The following TMEM138 variants were observed in gnomAD, a reference collection of about 807,000 sequenced individuals.
TMEM138 encodes transmembrane protein 138.
A neutral mutation model predicts 18.1 loss-of-function variants in TMEM138; 9 were observed. That is an observed-to-expected ratio of 0.50 (90% CI 0.30 to 0.87). The LOEUF (loss-of-function observed/expected upper bound fraction) is 0.87. TMEM138 is among the 40% of genes least tolerant of loss of function. The pLI, the probability that TMEM138 is intolerant of heterozygous loss-of-function variation, is 0.06. For missense variants in TMEM138, 189 were observed against 190.6 expected, an observed-to-expected ratio of 0.99 and a Z score of 0.05; for synonymous variants, 79 against 74.8, an observed-to-expected ratio of 1.06 and a Z score of -0.29.
At chr11:61,364,213 A>T in intron 1 of TMEM138, 39 bp from the exon 2 acceptor site, 1 of 633,462 alleles carries the variant, frequency 1.6e-6, no homozygotes, top group Non-Finnish European at 2.7e-6. Flanking sequence ...TTATGGTATT[A>T]ATACATTTCT....
chr11:61,372,547 C>T (rs962875626), downstream of TMEM138, among the ~76,000 whole-genome samples: 5 of 150,722 alleles, frequency 3.3e-5, no homozygotes, highest in South Asian at 4.2e-4. Context: ...CTTTGGGAGG[C>T]GAAGGCGGGG....
At chr11:61,376,191 A>T (rs1858432586), downstream of TMEM138, among the ~76,000 whole-genome samples, 1 of 152,144 alleles carries the variant, frequency 6.6e-6, no homozygotes, top group Admixed American at 6.6e-5. Flanking sequence ...CCTACTAAAA[A>T]TACAAAATGT....
chr11:61,364,721 C>A, intron 2 of TMEM138: 2 of 546,916 alleles, frequency 3.7e-6, no homozygotes, highest in Non-Finnish European at 6.1e-6. Flanking sequence ...AAGACCCTGT[C>A]TCTACCTACT....
rs1354433516 is a variant in TMEM138 at position 61,369,360 on chromosome 11, G to A, written c.*651G>A. On this transcript the variant is annotated 3_prime_UTR_variant, in exon 5 of 5. Transcript: ENST00000278826. ...TCCATTATGAGTACAAAGTATTTTA[G>A]CAGAAATTCAAGATGGAATCTGATG... The A allele has an allele frequency of 6.6e-6, 1 of 152,248 alleles. No individual in the cohort carries two copies. The highest frequency in any genetic ancestry group is 1.5e-5 in the Non-Finnish European group (1 of 68,120). 9.4% of individuals were successfully genotyped at this position (152,248 alleles called of 1,614,324 possible). A position where few individuals can be genotyped will look rare whatever the true frequency, so the allele number is the denominator to read the frequency against.
At position 61,368,082 on chromosome 11, in the gene TMEM138, C is replaced by G. The variant is rs1462563801; in HGVS notation, c.376+84C>G. The G allele has an allele frequency of 1.3e-5, 12 of 940,658 alleles. No homozygotes were observed. The Admixed American group carries it at 1.9e-4, about 15-fold the overall frequency. 58.3% of individuals were successfully genotyped at this position (940,658 alleles called of 1,614,324 possible). A position where few individuals can be genotyped will look rare whatever the true frequency, so the allele number is the denominator to read the frequency against. ...GGGCCTTGATGCTGGCTTCCCAGAC[C>G]TGTCCCAGCTGGCTTGGGATGGTTG... On this transcript the variant is annotated intron_variant, in intron 4 of 4. Transcript: ENST00000278826.
At chr11:61,366,386 C>G (rs1242034906) in intron 3 of TMEM138, 170 bp downstream of exon 3, 35 of 687,832 alleles carry the variant, frequency 5.1e-5, no homozygotes, top group Non-Finnish European at 6.4e-5. Context: ...GCTGGAATTA[C>G]AGGCATGAGT....
rs763756338 is a variant in TMEM138 at position 61,366,170 on chromosome 11, C to A, written c.254C>A (p.Thr85Lys). Residue 85 changes from threonine to lysine, a missense_variant, in exon 3 of 5, where the codon ACA becomes AAA. Physicochemically the swap from Thr to Lys is moderately conservative, Grantham distance 78. Transcript: ENST00000278826. ...AAGTTCAAAGGGACCATCATCCTGA[C>A]AGCTGTGTACTTTGCCCTCAGCATC... ...FHKFKGTIILTAVYFALSISL... is the reference protein window; with the variant it reads ...FHKFKGTIILKAVYFALSISL... 3.1e-6 allele frequency: 5 copies of A among 1,614,220 alleles called. No individual in the cohort carries two copies. Among genetic ancestry groups the A allele is most frequent in the Non-Finnish European group, 3.4e-6 (4 of 1,180,040 alleles).
chr11:61,370,465 C>T (rs1446252280), downstream of TMEM138, among the ~76,000 whole-genome samples: 3 of 152,088 alleles, frequency 2.0e-5, no homozygotes, highest in Non-Finnish European at 4.4e-5. Flanking sequence ...GATACATCAG[C>T]AAGGTAGAGG....
downstream of TMEM138, among the ~76,000 whole-genome samples, chr11:61,376,076 C>T (rs1858431063): frequency 1.3e-5 from 2 of 152,136 alleles, no homozygotes; most frequent in Non-Finnish European, 1.5e-5. Flanking sequence ...CGGCCAGATG[C>T]GGTAGCTCAT....
chr11:61,363,992 A>C (rs560708815), intron 1 of TMEM138: 1 of 161,472 alleles, frequency 6.2e-6, no homozygotes, highest in Non-Finnish European at 1.4e-5. Context: ...CACCGCTACT[A>C]CATGACCAGG....
At chr11:61,362,963 CG>C (rs1241811594) in intron 1 of TMEM138, 1 of 152,224 alleles carries the variant, frequency 6.6e-6, no homozygotes, top group African/African-American at 2.4e-5. Flanking sequence ...TGCGGCCGGG[CG>C]CAGTGGCTCA....
At chr11:61,362,554 G>A (rs1857955921) in intron 1 of TMEM138, 134 bp downstream of exon 1, 1 of 152,262 alleles carries the variant, frequency 6.6e-6, no homozygotes. Flanking sequence ...TGGGAAGCGT[G>A]AGGAATACTG....
intron 3 of TMEM138, 49 bp from the exon 4 acceptor site, chr11:61,367,874 T>G: frequency 1.6e-6 from 2 of 1,228,956 alleles, no homozygotes; most frequent in Non-Finnish European, 2.4e-6. Flanking sequence ...TTGGAGACAT[T>G]AGGGCTTCTT....
At chr11:61,370,792 G>A (rs888862328), downstream of TMEM138, among the ~76,000 whole-genome samples, 5 of 152,142 alleles carry the variant, frequency 3.3e-5, no homozygotes, top group Non-Finnish European at 1.5e-5. Flanking sequence ...AGCTTCCATA[G>A]ACTATAGGAT....
downstream of TMEM138, among the ~76,000 whole-genome samples, chr11:61,372,791 AAAAG>A (rs561318683): frequency 3.6e-3 from 546 of 152,240 alleles, 2 homozygotes; most frequent in African/African-American, 0.012. Context: ...TTTCAAAAAA[AAAAG>A]AAAGAAAGAG....
intron 2 of TMEM138, 104 bp downstream of exon 2, chr11:61,364,622 C>A (rs1858071910): frequency 6.7e-7 from 1 of 1,486,190 alleles, no homozygotes; most frequent in Non-Finnish European, 9.1e-7. Flanking sequence ...GGTACGGTGG[C>A]TCACACCCAT....
chr11:61,369,091 C>T lies in TMEM138; in HGVS notation c.*382C>T, dbSNP rs1858267513. 1.4e-5 allele frequency: 3 copies of T among 207,710 alleles called. No individual in the cohort carries two copies. Among genetic ancestry groups the T allele is most frequent in the Admixed American group, 1.0e-4 (2 of 19,056 alleles). The allele number at this position is 207,710 out of a possible 1,614,324, so 12.9% of individuals were successfully genotyped here. A position where few individuals can be genotyped will look rare whatever the true frequency, so the allele number is the denominator to read the frequency against. ...AGGATCTCCCAGTGACCAAAGGATGCGAAGAGTGATAGTTACGTGCTCCTG... is the reference window on the plus strand; with the variant it reads ...AGGATCTCCCAGTGACCAAAGGATGTGAAGAGTGATAGTTACGTGCTCCTG... On this transcript the variant is annotated 3_prime_UTR_variant, in exon 5 of 5. Coordinates refer to ENST00000278826, the MANE Select transcript of TMEM138 (RefSeq NM_016464.5).
chr11:61,374,548 T>A (rs980764972), downstream of TMEM138, among the ~76,000 whole-genome samples: 1 of 152,314 alleles, frequency 6.6e-6, no homozygotes, highest in Non-Finnish European at 1.5e-5. Flanking sequence ...GGTAACAAAT[T>A]TCCTTGTCAG....
intron 2 of TMEM138, 145 bp from the exon 3 acceptor site, chr11:61,365,900 C>T (rs1858126375): frequency 9.5e-7 from 1 of 1,053,560 alleles, no homozygotes. Context: ...GGTCCCAAAA[C>T]CCATGTTATC....
Sources: allele counts gnomAD v4.1 joint callset (sites outside exome capture counted in the v4.1 genomes callset), GRCh38; gene constraint gnomAD v4.1.1; transcripts MANE v1.5; gene names NCBI Gene and HGNC (gene_info 2026-07-23, HGNC 2026-07-21).